Variants in PREP observed in about 807,000 individuals in gnomAD.
PREP encodes the protein prolyl endopeptidase, also known as dJ355L5.1 (prolyl endopeptidase).
PREP carries 29 observed loss-of-function variants against 87.6 expected under a neutral mutation model. The observed-to-expected ratio is 0.33, with a 90% confidence interval of 0.25 to 0.45. The LOEUF is 0.45. Among genes scored for constraint, PREP ranks in the 20% least tolerant of loss-of-function variants. The pLI is 1.00. For missense variants in PREP, 695 were observed against 886.5 expected, an observed-to-expected ratio of 0.78 and a Z score of 2.74; for synonymous variants, 337 against 328.6, an observed-to-expected ratio of 1.03 and a Z score of -0.28.
At chr6:105,291,217 A>G (rs1159587179) in intron 10 of PREP, among the ~76,000 whole-genome samples, 1 of 152,240 alleles carries the variant, frequency 6.6e-6, no homozygotes, top group Non-Finnish European at 1.5e-5. Context: ...CTACTGATAG[A>G]TCAAGGTGAT....
At chr6:105,397,734 C>A in intron 2 of PREP, 119 bp downstream of exon 2, 1 of 785,354 alleles carries the variant, frequency 1.3e-6, no homozygotes, top group South Asian at 1.6e-5. Context: ...CAGGTATACT[C>A]ACCATCCCAT....
chr6:105,281,994 G>A (rs1770092450), intron 13 of PREP, 92 bp from the exon 14 acceptor site: 1 of 1,448,638 alleles, frequency 6.9e-7, no homozygotes, highest in South Asian at 1.4e-5. Context: ...CATGCTTCCA[G>A]AGCCCTGGTT....
chr6:105,377,620 A>T, intron 2 of PREP, 101 bp from the exon 3 acceptor site: 1 of 1,257,798 alleles, frequency 8.0e-7, no homozygotes, highest in Non-Finnish European at 1.1e-6. Flanking sequence ...TTTGTCTCTT[A>T]GCCAGTGCCT....
chr6:105,348,482 C>G (rs1036377151), intron 7 of PREP, among the ~76,000 whole-genome samples: 1 of 152,158 alleles, frequency 6.6e-6, no homozygotes, highest in African/African-American at 2.4e-5. Flanking sequence ...TAATCTCATG[C>G]AGCTCACGGA....
chr6:105,324,667 A>G (rs1273148938), intron 9 of PREP, among the ~76,000 whole-genome samples: 1 of 152,198 alleles, frequency 6.6e-6, no homozygotes, highest in Admixed American at 6.5e-5. Context: ...CTTGCTGGAA[A>G]ACCAAAAACC....
At chr6:105,279,202 T>A (rs572577541) in intron 14 of PREP, 6 of 152,372 alleles carry the variant, frequency 3.9e-5, no homozygotes, top group African/African-American at 1.4e-4. Flanking sequence ...TGTTTTTCAA[T>A]GTATTTAATA....
chr6:105,358,618 C>T (rs894152630), intron 6 of PREP, among the ~76,000 whole-genome samples: 2 of 152,144 alleles, frequency 1.3e-5, no homozygotes, highest in African/African-American at 4.8e-5. Context: ...CACCCCCATG[C>T]TTCTTCTCTG....
intron 7 of PREP, among the ~76,000 whole-genome samples, chr6:105,349,614 C>T (rs1478291139): frequency 6.6e-6 from 1 of 151,938 alleles, no homozygotes; most frequent in Non-Finnish European, 1.5e-5. Flanking sequence ...GAGTGGTATC[C>T]TAAATATATA....
At chr6:105,359,403 C>A (rs1274906195) in intron 6 of PREP, among the ~76,000 whole-genome samples, 3 of 152,100 alleles carry the variant, frequency 2.0e-5, no homozygotes, top group Admixed American at 2.0e-4. Context: ...AGTGATGACT[C>A]CTAAATGATG....
intron 8 of PREP, among the ~76,000 whole-genome samples, chr6:105,330,083 G>A (rs758321465): frequency 2.1e-4 from 32 of 152,360 alleles, no homozygotes; most frequent in East Asian, 9.6e-4. Flanking sequence ...TTTTCAAGAG[G>A]AAGTGTTGTT....
At chr6:105,296,492 T>G (rs1346469982) in intron 10 of PREP, among the ~76,000 whole-genome samples, 1 of 152,184 alleles carries the variant, frequency 6.6e-6, no homozygotes, top group African/African-American at 2.4e-5. Flanking sequence ...TATAAAACAT[T>G]CTCTACTCCA....
intron 2 of PREP, among the ~76,000 whole-genome samples, chr6:105,383,531 C>T (rs1380744638): frequency 6.6e-6 from 1 of 152,160 alleles, no homozygotes; most frequent in East Asian, 1.9e-4. Context: ...ACATAAAAAA[C>T]CCAGAGTGGG....
chr6:105,331,367 G>A (rs887636125), intron 8 of PREP, among the ~76,000 whole-genome samples: 1 of 152,140 alleles, frequency 6.6e-6, no homozygotes, highest in African/African-American at 2.4e-5. Flanking sequence ...TATAAGATGG[G>A]ATGTCACCTT....
At chr6:105,317,678 T>C (rs1321440389) in intron 10 of PREP, among the ~76,000 whole-genome samples, 1 of 152,008 alleles carries the variant, frequency 6.6e-6, no homozygotes, top group East Asian at 1.9e-4. Flanking sequence ...TCAGGGACTG[T>C]GAAGGAGGGC....
At chr6:105,315,268 A>T (rs1770836542) in intron 10 of PREP, among the ~76,000 whole-genome samples, 1 of 152,168 alleles carries the variant, frequency 6.6e-6, no homozygotes, top group Non-Finnish European at 1.5e-5. Flanking sequence ...AGCTCAAGTG[A>T]TCCTCCTGTC....
chr6:105,372,248 T>C (rs766520112), intron 5 of PREP, among the ~76,000 whole-genome samples: 2 of 150,268 alleles, frequency 1.3e-5, no homozygotes, highest in Non-Finnish European at 3.0e-5. Flanking sequence ...TATTTAAAGA[T>C]GACAAAGATA....
chr6:105,345,693 C>T (rs1302886026), intron 7 of PREP, among the ~76,000 whole-genome samples: 1 of 152,218 alleles, frequency 6.6e-6, no homozygotes, highest in Non-Finnish European at 1.5e-5. Flanking sequence ...TTCCTTCTGT[C>T]TCAGTCTGCC....
At chr6:105,377,625 G>C (rs893337568) in intron 2 of PREP, 106 bp from the exon 3 acceptor site, 2 of 1,212,276 alleles carry the variant, frequency 1.6e-6, no homozygotes, top group African/African-American at 3.1e-5. Context: ...CTCTTAGCCA[G>C]TGCCTCTTCT....
intron 8 of PREP, 145 bp downstream of exon 8, chr6:105,333,169 A>T (rs979715750): frequency 9.9e-6 from 7 of 705,480 alleles, no homozygotes; most frequent in Non-Finnish European, 1.6e-5. Context: ...AACTTGGATG[A>T]ACTATTTAGA....
Sources: gnomAD v4.1 joint callset for allele counts (sites outside exome capture counted in the v4.1 genomes callset) on GRCh38, gnomAD v4.1.1 for gene constraint, MANE v1.5 for transcripts, NCBI Gene and HGNC (gene_info 2026-07-23, HGNC 2026-07-21) for gene names.